The following PDIA4 variants were observed in gnomAD, a reference collection of about 807,000 sequenced individuals.
PDIA4 encodes protein disulfide-isomerase A4.
Under a neutral mutation model 62.1 loss-of-function variants are expected in PDIA4, and 33 were observed. The ratio of observed to expected loss-of-function variants is 0.53; its 90% CI spans 0.40 to 0.71. PDIA4 has a LOEUF of 0.71. Among genes scored for constraint, PDIA4 ranks in the 30% least tolerant of loss-of-function variants. The pLI is 0.00. For missense variants in PDIA4, 804 were observed against 813.6 expected (o/e 0.99, Z 0.14); for synonymous variants, 341 against 324.1 (o/e 1.05, Z -0.56).
intron 1 of PDIA4, among the ~76,000 whole-genome samples, chr7:149,025,645 C>A (rs910074121): frequency 1.3e-5 from 2 of 152,138 alleles, no homozygotes; most frequent in African/African-American, 4.8e-5. Context: ...AGCTACTTAG[C>A]GGAGGGTCCT....
intron 6 of PDIA4, among the ~76,000 whole-genome samples, chr7:149,009,341 C>T (rs1316678531): frequency 6.6e-6 from 1 of 152,150 alleles, no homozygotes; most frequent in Admixed American, 6.5e-5. Context: ...CACAGAAAAA[C>T]AGCTAATTTG....
intron 7 of PDIA4, among the ~76,000 whole-genome samples, chr7:149,006,598 G>C (rs1277665306): frequency 6.6e-6 from 1 of 152,192 alleles, no homozygotes; most frequent in African/African-American, 2.4e-5. Flanking sequence ...CTCAGGGAGG[G>C]GTCCTTGTGT....
chr7:149,013,700 AAAAC>A (rs938341265), intron 4 of PDIA4, among the ~76,000 whole-genome samples: 4 of 152,160 alleles, frequency 2.6e-5, no homozygotes, highest in Non-Finnish European at 4.4e-5. Context: ...CAAAACAAAA[AAAAC>A]AAACAACCTC....
intron 1 of PDIA4, among the ~76,000 whole-genome samples, chr7:149,023,437 G>A (rs1824424915): frequency 6.6e-6 from 1 of 152,180 alleles, no homozygotes; most frequent in African/African-American, 2.4e-5. Context: ...CCAAGTATTA[G>A]GGTTGGTGCA....
In PDIA4 at chr7:149,011,832, G is replaced by A; in HGVS notation, c.979+14C>T. 3.2e-6 allele frequency: 5 copies of A among 1,547,502 alleles called. No individual in the cohort carries two copies. Among genetic ancestry groups the A allele is most frequent in the Non-Finnish European group, 4.4e-6 (5 of 1,147,214 alleles). ...GCACGCACATTTTGTTCAGCCCAGA[G>A]GGCCACAACTCACCGGCATCCTGGT... On this transcript the variant is annotated intron_variant, in intron 6 of 9. Coordinates refer to ENST00000652332, the MANE Select transcript of PDIA4 (RefSeq NM_004911.5).
intron 6 of PDIA4, among the ~76,000 whole-genome samples, chr7:149,011,190 C>T (rs976109801): frequency 6.6e-6 from 1 of 152,120 alleles, no homozygotes; most frequent in Admixed American, 6.5e-5. Flanking sequence ...GGGTAGCACT[C>T]AGAAGACATC....
chr7:149,019,288 G>T, intron 2 of PDIA4, 91 bp from the exon 3 acceptor site: 1 of 921,598 alleles, frequency 1.1e-6, no homozygotes, highest in Non-Finnish European at 1.8e-6. Context: ...GTTTGGATGT[G>T]GTTTGTCCAC....
rs147574962 is a variant in PDIA4 at position 149,028,382 on chromosome 7, G to T, written c.27C>A (p.Leu9=). Residue 9 remains leucine (L), a synonymous_variant, in exon 1 of 10, where the codon CTC becomes CTA. Transcript: ENST00000652332. ...GCTGCACCAGCCCCAAGAGCAGCAGGAGCAGGAAGGCTTTCCGGGGCCTCA... is the reference window on the plus strand; with the variant it reads ...GCTGCACCAGCCCCAAGAGCAGCAGTAGCAGGAAGGCTTTCCGGGGCCTCA... MRPRKAFL[L]LLLLGLVQLL... is the part of the protein sequence containing the mutation. The T allele has an allele frequency of 4.4e-4, 678 of 1,524,444 alleles. 3 individuals are homozygous for T. The African/African-American group carries it at 9.2e-3, about 21-fold the overall frequency. The allele number at this position is 1,524,444 out of a possible 1,614,324, so 94.4% of individuals were successfully genotyped here.
At chr7:149,011,786 G>A (rs867534782) in intron 6 of PDIA4, 60 bp downstream of exon 6, 4 of 1,402,334 alleles carry the variant, frequency 2.9e-6, no homozygotes, top group Middle Eastern at 1.9e-4. Flanking sequence ...TGAAAAACCA[G>A]GCAACCGCAG....
chr7:149,021,190 C>T, intron 1 of PDIA4, 43 bp from the exon 2 acceptor site: 1 of 1,541,924 alleles, frequency 6.5e-7, no homozygotes, highest in Non-Finnish European at 8.7e-7. Context: ...CTGGTGGTGA[C>T]TCTCCTTAAA....
chr7:149,004,256 C>A (rs1416038068), intron 9 of PDIA4, 47 bp from the exon 10 acceptor site: 8 of 1,557,462 alleles, frequency 5.1e-6, no homozygotes, highest in Non-Finnish European at 7.0e-6. Flanking sequence ...CTGCAAAGGC[C>A]AAAGATTCTG....
At chr7:149,004,653 G>A (rs1823677550) in intron 9 of PDIA4, among the ~76,000 whole-genome samples, 1 of 152,250 alleles carries the variant, frequency 6.6e-6, no homozygotes. Flanking sequence ...GTACAGCAAG[G>A]TGGCCGAGGG....
At chr7:149,017,540 C>T (rs1341195848) in intron 3 of PDIA4, among the ~76,000 whole-genome samples, 2 of 151,908 alleles carry the variant, frequency 1.3e-5, no homozygotes, top group African/African-American at 2.4e-5. Flanking sequence ...GCTGAGATTG[C>T]GCCATCGTAC....
chr7:149,005,403 G>A, intron 8 of PDIA4, 29 bp from the exon 9 acceptor site: 1 of 1,494,412 alleles, frequency 6.7e-7, no homozygotes, highest in Non-Finnish European at 9.3e-7. Flanking sequence ...CATAAGCCAG[G>A]CGGCCACACA....
At chr7:149,016,552 G>A (rs1017548423) in intron 3 of PDIA4, among the ~76,000 whole-genome samples, 5 of 150,382 alleles carry the variant, frequency 3.3e-5, no homozygotes, top group African/African-American at 1.2e-4. Context: ...ACAGAGTCTC[G>A]CTGTCGCCCA....
intron 3 of PDIA4, among the ~76,000 whole-genome samples, chr7:149,016,354 G>A (rs896444104): frequency 1.3e-5 from 2 of 152,128 alleles, no homozygotes; most frequent in East Asian, 1.9e-4. Flanking sequence ...TTTATGTATG[G>A]ATATGGCTAA....
intron 4 of PDIA4, 112 bp from the exon 5 acceptor site, chr7:149,012,472 G>C: frequency 1.1e-6 from 1 of 870,512 alleles, no homozygotes; most frequent in Non-Finnish European, 1.8e-6. Flanking sequence ...GCCACACCCA[G>C]TAAGCCTCCG....
chr7:149,017,494 G>A (rs906718558), intron 3 of PDIA4, among the ~76,000 whole-genome samples: 1 of 152,154 alleles, frequency 6.6e-6, no homozygotes, highest in African/African-American at 2.4e-5. Context: ...TGAGGCAGGA[G>A]AATCACTTGA....
intron 8 of PDIA4, among the ~76,000 whole-genome samples, 195 bp from the exon 9 acceptor site, chr7:149,005,569 C>T (rs1397470551): frequency 6.6e-6 from 1 of 152,162 alleles, no homozygotes; most frequent in Non-Finnish European, 1.5e-5. Flanking sequence ...CCCAACAGGC[C>T]CTTAAGACCT....
Sources: gnomAD v4.1 joint callset for allele counts (sites outside exome capture counted in the v4.1 genomes callset) on GRCh38, gnomAD v4.1.1 for gene constraint, MANE v1.5 for transcripts, NCBI Gene and HGNC (gene_info 2026-07-23, HGNC 2026-07-21) for gene names.